The following BDP1 variants were observed in gnomAD, a reference collection of about 807,000 sequenced individuals.
The protein encoded by BDP1 is BDP1 general transcription factor IIIB subunit.
A neutral mutation model predicts 266.6 loss-of-function variants in BDP1; 169 were observed. The ratio of observed to expected loss-of-function variants is 0.63; its 90% CI spans 0.56 to 0.72. The LOEUF is 0.72. Ranked by LOEUF, BDP1 falls within the 30% of genes least tolerant of loss-of-function variation. The pLI, the probability that BDP1 is intolerant of heterozygous loss-of-function variation, is 0.00. For missense variants in BDP1, 3,015 were observed against 3,053.8 expected (o/e 0.99, Z 0.30); for synonymous variants, 1,090 against 1,022.4 (o/e 1.07, Z -1.26).
rs573674828 is a variant in BDP1 at position 71,520,157 on chromosome 5, G to GT, written c.4992-2125dup. Among the ~76,000 whole-genome samples, 12 of 152,034 alleles carry GT rather than the reference G, an allele frequency of 7.9e-5. No individual in the cohort carries two copies. The South Asian group carries it at 1.0e-3, about 13-fold the overall frequency. The stretch of plus-strand genomic sequence containing the variant: ...TGCCTATTCTTTAATCAGATTATTT[G>GT]TTTTTTTGCTATTGAGTTGTTTTTG... On this transcript the variant is annotated intron_variant, in intron 22 of 38. Coordinates refer to ENST00000358731, the MANE Select transcript of BDP1 (RefSeq NM_018429.3).
chr5:71,571,645 T>G (rs1208112218), downstream of BDP1, among the ~76,000 whole-genome samples: 1 of 152,142 alleles, frequency 6.6e-6, no homozygotes, highest in Non-Finnish European at 1.5e-5. Context: ...ATTATTTATT[T>G]ATTTTTGAGA....
intron 2 of BDP1, among the ~76,000 whole-genome samples, chr5:71,460,431 C>G (rs1761478857): frequency 6.6e-6 from 1 of 152,094 alleles, no homozygotes; most frequent in Non-Finnish European, 1.5e-5. Context: ...AGTAAGTGTC[C>G]AACCAGTGTC....
the BDP1 span, among the ~76,000 whole-genome samples, chr5:71,576,926 A>T: frequency 6.6e-6 from 1 of 152,218 alleles, no homozygotes; most frequent in Non-Finnish European, 1.5e-5. Flanking sequence ...ACTATCCAAT[A>T]ATAGCAATAG....
chr5:71,520,343 C>T (rs1765433769), intron 22 of BDP1, among the ~76,000 whole-genome samples: 1 of 152,044 alleles, frequency 6.6e-6, no homozygotes, highest in South Asian at 2.1e-4. Context: ...CCAATTTTTA[C>T]TTCACATTAA....
intron 6 of BDP1, among the ~76,000 whole-genome samples, chr5:71,469,434 G>A (rs1479276459): frequency 6.6e-6 from 1 of 152,008 alleles, no homozygotes; most frequent in South Asian, 2.1e-4. Context: ...GCCACCGTGC[G>A]TGGCCTCTTG....
Position 71,489,494 on chromosome 5 carries a change from C to T in BDP1, c.1304C>T (p.Ala435Val). ...ISDTERSQKD[A>V]QTVEEESLTL... is the part of the protein sequence containing the mutation. The stretch of plus-strand genomic sequence containing the variant: ...GACACGGAAAGATCTCAGAAGGATG[C>T]TCAGACAGTTGAAGAAGAGTCTCTG... Residue 435 changes from alanine to valine, a missense_variant, in exon 10 of 39, where the codon GCT becomes GTT. Physicochemically the swap from Ala to Val is moderately conservative, Grantham distance 64. This residue lies in a region of BDP1 where 2,383 missense variants were observed against 2,404.9 expected (regional missense o/e 0.99). Coordinates refer to ENST00000358731, the MANE Select transcript of BDP1 (RefSeq NM_018429.3). The T allele has an allele frequency of 6.2e-7, 1 of 1,613,916 alleles. No homozygotes were observed. Among genetic ancestry groups the T allele is most frequent in the South Asian group, 1.1e-5 (1 of 91,072 alleles).
At chr5:71,532,848 C>T (rs868647223) in intron 26 of BDP1, among the ~76,000 whole-genome samples, 35 of 152,160 alleles carry the variant, frequency 2.3e-4, no homozygotes, top group African/African-American at 7.2e-4. Flanking sequence ...TAAGTGACTT[C>T]TAGTATCGTG....
chr5:71,455,728 C>T lies in BDP1; in HGVS notation c.-150C>T. On this transcript the variant is annotated 5_prime_UTR_variant, in exon 1 of 39. Coordinates refer to ENST00000358731, the MANE Select transcript of BDP1 (RefSeq NM_018429.3). The stretch of plus-strand genomic sequence containing the variant: ...GGCGGGAGAGAGGAGGAGGCGGCGG[C>T]GGGGCAGTGAAACTACGGTAGCTGC... The T allele has an allele frequency of 6.1e-6, 4 of 659,446 alleles. No homozygotes were observed. The highest frequency in any genetic ancestry group is 1.0e-5 in the Non-Finnish European group (4 of 388,682). 40.8% of individuals were successfully genotyped at this position (659,446 alleles called of 1,614,324 possible). A position where few individuals can be genotyped will look rare whatever the true frequency, so the allele number is the denominator to read the frequency against.
At chr5:71,491,568 G>C (rs1763597126) in intron 11 of BDP1, among the ~76,000 whole-genome samples, 1 of 151,988 alleles carries the variant, frequency 6.6e-6, no homozygotes, top group African/African-American at 2.4e-5. Context: ...GTACTATACA[G>C]TGTTGTTAAC....
Position 71,567,575 on chromosome 5 carries a change from C to T in BDP1, c.*2690C>T, listed in dbSNP as rs1301083721. The T allele has an allele frequency of 6.6e-6, 1 of 152,528 alleles. No homozygotes were observed. Among genetic ancestry groups the T allele is most frequent in the African/African-American group, 2.4e-5 (1 of 41,420 alleles). 9.4% of individuals were successfully genotyped at this position (152,528 alleles called of 1,614,324 possible). A position where few individuals can be genotyped will look rare whatever the true frequency, so the allele number is the denominator to read the frequency against. ...GACTTTTTCTCCTGAACACTTATGTCTTAGCAAGTGGTCAACATGAGGATT... is the reference window on the plus strand; with the variant it reads ...GACTTTTTCTCCTGAACACTTATGTTTTAGCAAGTGGTCAACATGAGGATT... On this transcript the variant is annotated 3_prime_UTR_variant, in exon 39 of 39. Coordinates refer to ENST00000358731, the MANE Select transcript of BDP1 (RefSeq NM_018429.3).
At chr5:71,467,254 G>C in intron 5 of BDP1, 100 bp from the exon 6 acceptor site, 1 of 957,642 alleles carries the variant, frequency 1.0e-6, no homozygotes, top group African/African-American at 1.7e-5. Context: ...CCTTTGATAT[G>C]ATTGCCATGC....
chr5:71,507,251 T>C (rs991008309), intron 16 of BDP1, among the ~76,000 whole-genome samples: 1 of 152,272 alleles, frequency 6.6e-6, no homozygotes, highest in South Asian at 2.1e-4. Flanking sequence ...GTTTTGCCTT[T>C]CTTCTCAAAT....
At chr5:71,461,956 CTCTT>C in intron 3 of BDP1, 30 bp downstream of exon 3, 4 of 725,304 alleles carry the variant, frequency 5.5e-6, no homozygotes, top group South Asian at 1.6e-5. Flanking sequence ...GCTTTACTAT[CTCTT>C]TTTTTTTTTT....
intron 2 of BDP1, among the ~76,000 whole-genome samples, chr5:71,460,377 C>T (rs1430212130): frequency 6.6e-6 from 1 of 152,070 alleles, no homozygotes; most frequent in Non-Finnish European, 1.5e-5. Flanking sequence ...GAGACTCCGT[C>T]TCAAAAAAAA....
chr5:71,497,563 A>G (rs1763971454), intron 13 of BDP1, 137 bp downstream of exon 13: 1 of 649,016 alleles, frequency 1.5e-6, no homozygotes, highest in Non-Finnish European at 2.6e-6. Context: ...CATTAACATT[A>G]GATTTGTTCG....
chr5:71,465,300 G>C (rs1343933776), intron 4 of BDP1, among the ~76,000 whole-genome samples: 1 of 151,968 alleles, frequency 6.6e-6, no homozygotes, highest in Non-Finnish European at 1.5e-5. Flanking sequence ...TATTTTTACA[G>C]ATAGGGTCTT....
chr5:71,480,284 T>A (rs1185965677), intron 7 of BDP1, among the ~76,000 whole-genome samples: 3 of 43,222 alleles, frequency 6.9e-5, no homozygotes, highest in African/African-American at 2.5e-4. Context: ...CTAATTTTTT[T>A]TTTTTTTTTT....
Position 71,489,534 on chromosome 5 carries a change from G to A in BDP1, c.1344G>A (p.Glu448=), listed in dbSNP as rs200963208. The change falls in exon 10 of 39, where the codon GAG becomes GAA. Residue 448 remains glutamate (E), a synonymous_variant. Coordinates refer to ENST00000358731, the MANE Select transcript of BDP1 (RefSeq NM_018429.3). ...VEEESLTLSR[E]DAEQVALEVD... ...AAGAGTCTCTGACCTTATCAAGGGA[G>A]GATGCAGAGCAGGTTGCATTAGAAG... 1 of 1,614,072 alleles carries A rather than the reference G, an allele frequency of 6.2e-7. No homozygotes were observed. Among genetic ancestry groups the A allele is most frequent in the African/African-American group, 1.3e-5 (1 of 75,044 alleles).
chr5:71,510,168 C>A lies in BDP1; in HGVS notation c.3076C>A (p.Pro1026Thr), dbSNP rs773829568. The A allele has an allele frequency of 6.2e-7, 1 of 1,613,394 alleles. No homozygotes were observed. Among genetic ancestry groups the A allele is most frequent in the Non-Finnish European group, 8.5e-7 (1 of 1,179,914 alleles). ...AGAGAGTTCTCCAAGGGAGAAGACACCAGAGGTGATTGATGCTACTGAGGA... is the reference window on the plus strand; with the variant it reads ...AGAGAGTTCTCCAAGGGAGAAGACAACAGAGGTGATTGATGCTACTGAGGA... ...GRESSPREKTPEVIDATEEID... is the reference protein window; with the variant it reads ...GRESSPREKTTEVIDATEEID... Residue 1026 changes from proline to threonine, a missense_variant, in exon 17 of 39, where the codon CCA becomes ACA. By Grantham distance (38) the Pro-to-Thr change is conservative. This residue lies in a region of BDP1 where 2,383 missense variants were observed against 2,404.9 expected (regional missense o/e 0.99). Coordinates refer to ENST00000358731, the MANE Select transcript of BDP1 (RefSeq NM_018429.3).
Sources: allele counts gnomAD v4.1 joint callset (sites outside exome capture counted in the v4.1 genomes callset), GRCh38; gene constraint gnomAD v4.1.1; regional missense constraint gnomAD v4.1.1; transcripts MANE v1.5; gene names NCBI Gene and HGNC (gene_info 2026-07-23, HGNC 2026-07-21).